Variants in LRSAM1 observed in about 807,000 individuals in gnomAD.
LRSAM1 encodes E3 ubiquitin-protein ligase LRSAM1.
LRSAM1 carries 96 observed loss-of-function variants against 118.1 expected under a neutral mutation model. That is an observed-to-expected ratio of 0.81 (90% CI 0.69 to 0.96). The LOEUF (loss-of-function observed/expected upper bound fraction) is 0.96, where lower values mean the gene tolerates loss of function less well. Among genes scored for constraint, LRSAM1 ranks in the 40% least tolerant of loss-of-function variants. LRSAM1 has a pLI of 0.00. For missense variants in LRSAM1, 804 were observed against 915.5 expected, an observed-to-expected ratio of 0.88 and a Z score of 1.57; for synonymous variants, 322 against 364.2, an observed-to-expected ratio of 0.88 and a Z score of 1.32.
rs1299727217 is a variant in LRSAM1, at chr9:127,491,207, C to A, written c.1423-8C>A. On this transcript the variant is annotated splice_polypyrimidine_tract_variant and splice_region_variant and intron_variant, in intron 19 of 25. Transcript: ENST00000300417. ...GTAAAAAAAAACCCTGTCTCGTCTT[C>A]TGTTTAGATTAAGTTAATAGAAACT... is the stretch of plus-strand genomic sequence containing the variant. 1 of 1,612,424 alleles carries A rather than the reference C, an allele frequency of 6.2e-7. No individual in the cohort carries two copies. The highest frequency in any genetic ancestry group is 1.1e-5 in the South Asian group (1 of 91,064).
chr9:127,489,888 G>A (rs1284091442), intron 19 of LRSAM1, among the ~76,000 whole-genome samples: 1 of 152,246 alleles, frequency 6.6e-6, no homozygotes, highest in Non-Finnish European at 1.5e-5. Flanking sequence ...AGGCCCCAGC[G>A]CTCCTACAGC....
intron 11 of LRSAM1, among the ~76,000 whole-genome samples, chr9:127,474,938 G>C (rs1281822254): frequency 6.6e-6 from 1 of 152,196 alleles, no homozygotes; most frequent in Non-Finnish European, 1.5e-5. Context: ...CTGGGCAGGA[G>C]TACCAGCTGC....
intron 25 of LRSAM1, among the ~76,000 whole-genome samples, chr9:127,501,417 T>C (rs1836388077): frequency 6.6e-6 from 1 of 152,112 alleles, no homozygotes; most frequent in African/African-American, 2.4e-5. Context: ...ACAACATGAT[T>C]TACCCTGCAG....
At position 127,478,157 on chromosome 9, in the gene LRSAM1, C is replaced by T. The variant is rs530309442; in HGVS notation, c.751-777C>T. Reference sequence around the variant, plus strand: ...TAATTAAACACCAATAATTACATTACATTATTGATGTTTAATACCTGCTCC... The same window carrying T: ...TAATTAAACACCAATAATTACATTATATTATTGATGTTTAATACCTGCTCC... On this transcript the variant is annotated intron_variant, in intron 11 of 25. Coordinates refer to ENST00000300417, the MANE Select transcript of LRSAM1 (RefSeq NM_001005373.4). Among the ~76,000 whole-genome samples, 7 of 151,848 alleles carry T rather than the reference C, an allele frequency of 4.6e-5. No individual in the cohort carries two copies. In the South Asian group the frequency reaches 1.0e-3, roughly 23 times the overall value.
chr9:127,461,267 A>G lies in LRSAM1; in HGVS notation c.406+10A>G. 1 of 1,609,078 alleles carries G rather than the reference A, an allele frequency of 6.2e-7. No individual in the cohort carries two copies. ...ACTCTCAATGTTAAAGGTAGGGACCAAGAAGCCGTGTCCGTGTGACCCTCC... is the reference window on the plus strand; with the variant it reads ...ACTCTCAATGTTAAAGGTAGGGACCGAGAAGCCGTGTCCGTGTGACCCTCC... On this transcript the variant is annotated intron_variant, in intron 8 of 25. Transcript: ENST00000300417.
chr9:127,459,018 G>A lies in LRSAM1; in HGVS notation c.268G>A (p.Asp90Asn), dbSNP rs117692127. 3,407 of 1,613,760 alleles carry A rather than the reference G, an allele frequency of 2.1e-3. 8 individuals carry two copies. The highest frequency in any genetic ancestry group is 2.7e-3 in the Non-Finnish European group (3,190 of 1,179,994). The change falls in exon 7 of 26, where the codon GAT (aspartate) becomes AAT (asparagine). Residue 90 changes from aspartate (D) to asparagine (N), a missense_variant. Coordinates refer to ENST00000300417, the MANE Select transcript of LRSAM1 (RefSeq NM_001005373.4). ...LATIKVLDLH[D>N]NQLTALPDDL... ...TCTTCTGCAGGTTCTAGATCTCCACGATAATCAGCTGACAGCCCTTCCTGA... is the reference window on the plus strand; with the variant it reads ...TCTTCTGCAGGTTCTAGATCTCCACAATAATCAGCTGACAGCCCTTCCTGA...
chr9:127,473,685 A>G lies in LRSAM1; in HGVS notation c.620-116A>G, dbSNP rs182410554. The G allele has an allele frequency of 4.8e-4, 682 of 1,419,476 alleles. 6 individuals carry two copies. The highest frequency in any genetic ancestry group is 7.1e-5 in the Non-Finnish European group (71 of 1,006,404). 87.9% of individuals were successfully genotyped at this position (1,419,476 alleles called of 1,614,324 possible). On this transcript the variant is annotated intron_variant, in intron 10 of 25. Coordinates refer to ENST00000300417, the MANE Select transcript of LRSAM1 (RefSeq NM_001005373.4). ...ACACGAAGCGCCCAGGCTAGGGAAG[A>G]GGAGAGCAGTGGCTGAGTCAGGGTG... is the stretch of plus-strand genomic sequence containing the variant.
intron 16 of LRSAM1, among the ~76,000 whole-genome samples, chr9:127,483,539 T>C (rs1835616805): frequency 6.6e-6 from 1 of 152,200 alleles, no homozygotes; most frequent in Non-Finnish European, 1.5e-5. Context: ...TCTGCAGTAT[T>C]AGCATCCCAT....
In LRSAM1 at chr9:127,482,994, A is replaced by G. The variant is rs528848096; in HGVS notation, c.1133A>G (p.Glu378Gly). The G allele has an allele frequency of 1.3e-6, 2 of 1,587,436 alleles. No homozygotes were observed. Among genetic ancestry groups the G allele is most frequent in the East Asian group, 2.3e-5 (1 of 43,768 alleles). The change falls in exon 16 of 26, where the codon GAG becomes GGG. Residue 378 changes from glutamate (E) to glycine (G), a missense_variant. Glu to Gly is a moderately conservative substitution (Grantham distance 98, BLOSUM62 -2). Coordinates refer to ENST00000300417, the MANE Select transcript of LRSAM1 (RefSeq NM_001005373.4). ...ATGTCCATAACCCAGGAGGAGACTG[A>G]GAGCCTGCGGCGACGTGACGTTGCC... ...QLMSITQEETESLRRRDVASA... is the reference protein window; with the variant it reads ...QLMSITQEETGSLRRRDVASA...
chr9:127,454,536 C>T lies in LRSAM1; in HGVS notation c.9C>T (p.Leu3=), dbSNP rs540942030. Residue 3 remains leucine, a synonymous_variant, in exon 3 of 26, where the codon CTC becomes CTT. Transcript: ENST00000300417. ...TCTGGGAAAAGGGAAGGATGCCGCTCTTCTTCCGGAAGCGGAAACCCAGTG... is the reference window on the plus strand; with the variant it reads ...TCTGGGAAAAGGGAAGGATGCCGCTTTTCTTCCGGAAGCGGAAACCCAGTG... The part of the protein sequence containing the change: MP[L]FFRKRKPSEE... 47 of 1,614,224 alleles carry T rather than the reference C, an allele frequency of 2.9e-5. 1 individual carries two copies. The South Asian group carries it at 4.2e-4, about 14-fold the overall frequency.
intron 11 of LRSAM1, among the ~76,000 whole-genome samples, chr9:127,477,485 C>T (rs772592309): frequency 3.3e-5 from 5 of 152,220 alleles, no homozygotes; most frequent in Non-Finnish European, 5.9e-5. Flanking sequence ...CGCAGTGGCT[C>T]ACGCCTATAA....
chr9:127,466,143 T>G (rs1834912757), intron 9 of LRSAM1, among the ~76,000 whole-genome samples: 1 of 152,034 alleles, frequency 6.6e-6, no homozygotes, highest in Non-Finnish European at 1.5e-5. Context: ...ACCCCATCTC[T>G]ACTAAAAATA....
chr9:127,479,482 G>A lies in LRSAM1; in HGVS notation c.880G>A (p.Glu294Lys). Reference protein sequence around the residue: ...LLQQSSSQKDEILQTVKEEQS... With the variant: ...LLQQSSSQKDKILQTVKEEQS... ...TCAGCAGAGCAGCAGCCAGAAGGAT[G>A]AGATCCTTCAGACGGTCAAGGAGGT... is the stretch of plus-strand genomic sequence containing the variant. The change falls in exon 13 of 26, where the codon GAG becomes AAG. Residue 294 changes from glutamate (E) to lysine (K), a missense_variant. Coordinates refer to ENST00000300417, the MANE Select transcript of LRSAM1 (RefSeq NM_001005373.4). 6.2e-7 allele frequency: 1 copy of A among 1,614,072 alleles called. No individual in the cohort carries two copies. Among genetic ancestry groups the A allele is most frequent in the Admixed American group, 1.7e-5 (1 of 60,020 alleles).
In LRSAM1 at chr9:127,457,261, T is replaced by C; in HGVS notation, c.175-55T>C. The stretch of plus-strand genomic sequence containing the variant: ...TGGGCTGGCTCCCACGCCCTTAGCC[T>C]GCCCTGCCTGCTGCTCTTCCTCAGC... On this transcript the variant is annotated intron_variant, in intron 5 of 25. Coordinates refer to ENST00000300417, the MANE Select transcript of LRSAM1 (RefSeq NM_001005373.4). 5 of 1,605,738 alleles carry C rather than the reference T, an allele frequency of 3.1e-6. No homozygotes were observed. The Admixed American group carries it at 6.7e-5, about 21-fold the overall frequency.
intron 25 of LRSAM1, 62 bp downstream of exon 25, chr9:127,501,205 A>T: frequency 1.3e-6 from 2 of 1,589,752 alleles, no homozygotes; most frequent in Non-Finnish European, 1.7e-6. Context: ...CAAATTCTGC[A>T]GGTACAGGGT....
chr9:127,479,750 T>A, intron 13 of LRSAM1, 89 bp from the exon 14 acceptor site: 1 of 1,536,482 alleles, frequency 6.5e-7, no homozygotes. Flanking sequence ...CAAGGCAGGG[T>A]GGGAAAGCCA....
At chr9:127,458,151 C>A (rs576147411) in intron 6 of LRSAM1, among the ~76,000 whole-genome samples, 3 of 150,928 alleles carry the variant, frequency 2.0e-5, no homozygotes, top group African/African-American at 7.3e-5. Context: ...GAGGCCAAGG[C>A]GGGTGGGTCA....
At chr9:127,477,828 A>G (rs1189094275) in intron 11 of LRSAM1, among the ~76,000 whole-genome samples, 1 of 152,144 alleles carries the variant, frequency 6.6e-6, no homozygotes, top group Non-Finnish European at 1.5e-5. Flanking sequence ...CAAATGGATC[A>G]CCTGAGGTCA....
intron 11 of LRSAM1, among the ~76,000 whole-genome samples, chr9:127,476,993 T>C (rs1280467591): frequency 6.6e-6 from 1 of 152,214 alleles, no homozygotes; most frequent in East Asian, 1.9e-4. Flanking sequence ...GTTTTCTATC[T>C]TAATTGTGTT....
Sources: gnomAD v4.1 joint callset for allele counts (sites outside exome capture counted in the v4.1 genomes callset) on GRCh38, gnomAD v4.1.1 for gene constraint, MANE v1.5 for transcripts, NCBI Gene and HGNC (gene_info 2026-07-23, HGNC 2026-07-21) for gene names.